PCDHGA10: variants seen among roughly 807,000 people sequenced by gnomAD.
PCDHGA10 encodes the protein protocadherin gamma-A10.
A neutral mutation model predicts 59.5 loss-of-function variants in PCDHGA10; 42 were observed. The ratio of observed to expected loss-of-function variants is 0.71; its 90% confidence interval spans 0.55 to 0.91. PCDHGA10 has a LOEUF of 0.91. PCDHGA10 is among the 40% of genes least tolerant of loss of function. The pLI, the probability that PCDHGA10 is intolerant of heterozygous loss-of-function variation, is 0.00. For synonymous variants in PCDHGA10, 511 were observed against 517.2 expected (o/e 0.99, Z 0.16); for missense variants, 1,111 against 1,198.2 (o/e 0.93, Z 1.07).
In PCDHGA10 at chr5:141,419,578, G is replaced by A. The variant is rs1339676992; in HGVS notation, c.2436+3967G>A. The A allele has an allele frequency of 1.9e-6, 3 of 1,611,604 alleles. No individual in the cohort carries two copies. In the Admixed American group the frequency reaches 5.0e-5, roughly 27 times the overall value. On this transcript the variant is annotated intron_variant, in intron 1 of 3. Transcript: ENST00000398610. ...CTGCGCTGGGTCCCGACGGCTCCGC[G>A]CTCTTCGACACAGTGCCGCGGGCCG...
chr5:141,484,333 A>T (rs1019527273), intron 1 of PCDHGA10, among the ~76,000 whole-genome samples: 2 of 152,198 alleles, frequency 1.3e-5, no homozygotes, highest in Non-Finnish European at 2.9e-5. Flanking sequence ...CCTTGAAATC[A>T]ATGAATGGTA....
At chr5:141,419,348 G>A (rs1195474899) in intron 1 of PCDHGA10, 1 of 1,613,816 alleles carries the variant, frequency 6.2e-7, no homozygotes, top group Non-Finnish European at 8.5e-7. Context: ...CAGCGACCTG[G>A]AGTCACGAAC....
chr5:141,508,725 G>C (rs1447443196), intron 3 of PCDHGA10, among the ~76,000 whole-genome samples: 1 of 151,788 alleles, frequency 6.6e-6, no homozygotes, highest in Non-Finnish European at 1.5e-5. Flanking sequence ...TGTGCAGGGA[G>C]ACTACACCCC....
chr5:141,505,210 A>G (rs899138393), intron 2 of PCDHGA10, among the ~76,000 whole-genome samples, 183 bp from the exon 3 acceptor site: 3 of 152,192 alleles, frequency 2.0e-5, no homozygotes, highest in African/African-American at 7.2e-5. Flanking sequence ...GGTTTGAGGG[A>G]CTGACTTGTG....
At chr5:141,501,997 C>A (rs2099812238) in intron 2 of PCDHGA10, among the ~76,000 whole-genome samples, 1 of 152,128 alleles carries the variant, frequency 6.6e-6, no homozygotes, top group Non-Finnish European at 1.5e-5. Context: ...GTCTCCCTGA[C>A]AACCCGCATG....
At chr5:141,498,632 A>G (rs2099784830) in intron 2 of PCDHGA10, among the ~76,000 whole-genome samples, 1 of 152,118 alleles carries the variant, frequency 6.6e-6, no homozygotes, top group South Asian at 2.1e-4. Context: ...CACTGCCTAG[A>G]CAGAAGGAAG....
chr5:141,455,388 A>C (rs1415223043), intron 1 of PCDHGA10, among the ~76,000 whole-genome samples: 1 of 152,086 alleles, frequency 6.6e-6, no homozygotes, highest in Non-Finnish European at 1.5e-5. Context: ...AGAAGGAAGG[A>C]GCTCCCCCTT....
At chr5:141,454,181 G>A (rs1290295830) in intron 1 of PCDHGA10, among the ~76,000 whole-genome samples, 1 of 152,200 alleles carries the variant, frequency 6.6e-6, no homozygotes, top group Non-Finnish European at 1.5e-5. Context: ...GCAGCTAAAG[G>A]AGCTTAGTGA....
rs1554136305 is a variant in PCDHGA10, at chr5:141,450,006, CT to C, written c.2436+34413del. Reference sequence around the variant, plus strand: ...CACATTGCATTTAGTTGCCATGTCTCTTTTTTTTTTTTTTTTTTGAGACAGG... The same window carrying C: ...CACATTGCATTTAGTTGCCATGTCTCTTTTTTTTTTTTTTTTTGAGACAGG... On this transcript the variant is annotated intron_variant, in intron 1 of 3. Coordinates refer to ENST00000398610, the MANE Select transcript of PCDHGA10 (RefSeq NM_018913.3). Among the ~76,000 whole-genome samples, 140 of 132,944 alleles carry C rather than the reference CT, an allele frequency of 1.1e-3. 2 individuals are homozygous for C. In the Middle Eastern group the frequency reaches 0.016, roughly 15 times the overall value. 87.2% of individuals were successfully genotyped at this position (132,944 alleles called of 152,430 possible). A position where few individuals can be genotyped will look rare whatever the true frequency, so the allele number is the denominator to read the frequency against.
At position 141,491,290 on chromosome 5, in the gene PCDHGA10, C is replaced by T. The variant is rs747758229; in HGVS notation, c.2437-3517C>T. Reference sequence around the variant, plus strand: ...CAAATCCAGTGACTTCCTCATACACCCTCCTGAGCGTTCAGACCTTACCCT... The same window carrying T: ...CAAATCCAGTGACTTCCTCATACACTCTCCTGAGCGTTCAGACCTTACCCT... On this transcript the variant is annotated intron_variant, in intron 1 of 3. Coordinates refer to ENST00000398610, the MANE Select transcript of PCDHGA10 (RefSeq NM_018913.3). The surrounding 1 kb of genome is among the most constrained non-coding windows in gnomAD (Gnocchi z 6.9). 6.2e-7 allele frequency: 1 copy of T among 1,613,974 alleles called. No homozygotes were observed. Among genetic ancestry groups the T allele is most frequent in the Non-Finnish European group, 8.5e-7 (1 of 1,179,952 alleles).
chr5:141,487,377 C>T lies in PCDHGA10; in HGVS notation c.2437-7430C>T, dbSNP rs758216933. Reference sequence around the variant, plus strand: ...CCTGCTGGCACCTGTGCCTGTCTCACCAGATCTCGAAGGAGGGAGGGGCTT... The same window carrying T: ...CCTGCTGGCACCTGTGCCTGTCTCATCAGATCTCGAAGGAGGGAGGGGCTT... On this transcript the variant is annotated intron_variant, in intron 1 of 3. Transcript: ENST00000398610. The surrounding 1 kb of genome is among the most constrained non-coding windows in gnomAD (Gnocchi z 5.0). 6.2e-7 allele frequency: 1 copy of T among 1,614,190 alleles called. No homozygotes were observed. Among genetic ancestry groups the T allele is most frequent in the Non-Finnish European group, 8.5e-7 (1 of 1,180,034 alleles).
intron 1 of PCDHGA10, chr5:141,475,974 A>G: frequency 1.0e-6 from 1 of 975,714 alleles, no homozygotes; most frequent in Non-Finnish European, 1.5e-6. Flanking sequence ...GCAGAGACTG[A>G]ACAGCCGGCG....
chr5:141,413,202 G>T lies in PCDHGA10; in HGVS notation c.27G>T (p.Lys9Asn), dbSNP rs768256888. ...TGGCCGCTCAAAGGAATCGCTCAAA[G>T]GAATCAAAGGATTGCAGCGGGCTGG... MAAQRNRS[K>N]ESKDCSGLVL... Residue 9 changes from lysine to asparagine, a missense_variant, in exon 1 of 4, where the codon AAG becomes AAT. By Grantham distance (94) the Lys-to-Asn change is moderately conservative (BLOSUM62 0). Transcript: ENST00000398610. 1.2e-5 allele frequency: 19 copies of T among 1,612,062 alleles called. No individual in the cohort carries two copies. The highest frequency in any genetic ancestry group is 1.6e-5 in the Non-Finnish European group (19 of 1,178,872).
chr5:141,429,760 C>T (rs1036499079), intron 1 of PCDHGA10, among the ~76,000 whole-genome samples: 2 of 152,020 alleles, frequency 1.3e-5, no homozygotes, highest in Non-Finnish European at 2.9e-5. Context: ...AATTTTTTCC[C>T]TATATTTTGA....
Position 141,413,577 on chromosome 5 carries a change from T to C in PCDHGA10, c.402T>C (p.Ala134=), listed in dbSNP as rs752007520. 4 of 1,613,836 alleles carry C rather than the reference T, an allele frequency of 2.5e-6. No homozygotes were observed. Among genetic ancestry groups the C allele is most frequent in the Non-Finnish European group, 3.4e-6 (4 of 1,179,894 alleles). ...EIEVTDINDN[A]PKFQAENLDV... ...AAGTAACTGATATCAATGACAATGC[T>C]CCAAAATTCCAAGCAGAAAATCTAG... Residue 134 remains alanine (A), a synonymous_variant, in exon 1 of 4, where the codon GCT becomes GCC. Transcript: ENST00000398610.
chr5:141,454,917 C>T (rs1185153715), intron 1 of PCDHGA10, among the ~76,000 whole-genome samples: 1 of 149,330 alleles, frequency 6.7e-6, no homozygotes, highest in Non-Finnish European at 1.5e-5. Flanking sequence ...ACGCCATTCT[C>T]CTGCCTCAGC....
chr5:141,487,451 A>G lies in PCDHGA10; in HGVS notation c.2437-7356A>G. 6.2e-7 allele frequency: 1 copy of G among 1,614,122 alleles called. No homozygotes were observed. Among genetic ancestry groups the G allele is most frequent in the Non-Finnish European group, 8.5e-7 (1 of 1,180,006 alleles). On this transcript the variant is annotated intron_variant, in intron 1 of 3. Transcript: ENST00000398610. This position sits in a 1 kb window ranked among gnomAD's most constrained non-coding sequence, Gnocchi z 5.0. ...AATCCAGCTAGGGTCAGATGACCCT[A>G]TCAAGTTTGTTGATGTGGGAGGCCA...
chr5:141,423,610 G>GT, intron 1 of PCDHGA10: 1 of 1,611,424 alleles, frequency 6.2e-7, no homozygotes, highest in African/African-American at 1.3e-5. Context: ...ACTCTTGATA[G>GT]CTGAAGACTC....
chr5:141,467,625 T>C (rs1407031447), intron 1 of PCDHGA10, among the ~76,000 whole-genome samples: 1 of 152,202 alleles, frequency 6.6e-6, no homozygotes, highest in African/African-American at 2.4e-5. Flanking sequence ...TGATTTGAGA[T>C]AGCATCTTTA....
Sources: gnomAD v4.1 joint callset for allele counts (sites outside exome capture counted in the v4.1 genomes callset) on GRCh38, gnomAD v4.1.1 for gene constraint, Gnocchi (gnomAD v3.1) non-coding constraint, MANE v1.5 for transcripts, NCBI Gene and HGNC (gene_info 2026-07-23, HGNC 2026-07-21) for gene names.